Variants in TFRC observed in about 807,000 individuals in gnomAD.
TFRC encodes transferrin receptor protein 1.
TFRC carries 35 observed loss-of-function variants against 85.8 expected under a neutral mutation model. The ratio of observed to expected loss-of-function variants is 0.41; its 90% confidence interval spans 0.31 to 0.54. The LOEUF (loss-of-function observed/expected upper bound fraction) is 0.54. Among genes scored for constraint, TFRC ranks in the 20% least tolerant of loss-of-function variants. The pLI is 0.31. For synonymous variants in TFRC, 362 were observed against 328.6 expected (o/e 1.10, Z -1.10); for missense variants, 828 against 921.5 (o/e 0.90, Z 1.31).
chr3:196,079,842 C>A (rs777105909), intron 1 of TFRC, among the ~76,000 whole-genome samples: 1 of 152,156 alleles, frequency 6.6e-6, no homozygotes, highest in Non-Finnish European at 1.5e-5. Flanking sequence ...TTTTACCCAC[C>A]AACATTCTTC....
In TFRC at chr3:196,051,879, G is replaced by A. The variant is rs753121387; in HGVS notation, c.*63C>T. On this transcript the variant is annotated 3_prime_UTR_variant, in exon 19 of 19. Transcript: ENST00000360110. ...TGTAGCCCTACTGAAAATTTAGCAC[G>A]ATCAGCACAAGTCTAGAAACCAGAC... 1.3e-5 allele frequency: 21 copies of A among 1,563,140 alleles called. No individual in the cohort carries two copies. Among genetic ancestry groups the A allele is most frequent in the South Asian group, 2.4e-5 (2 of 83,430 alleles).
Position 196,075,356 on chromosome 3 carries a change from C to G in TFRC, c.41G>C (p.Gly14Ala). The change falls in exon 3 of 19, where the codon GGT (glycine) becomes GCT (alanine). Residue 14 changes from glycine (G) to alanine (A), a missense_variant. Physicochemically the swap from Gly to Ala is moderately conservative, Grantham distance 60 (BLOSUM62 0). Coordinates refer to ENST00000360110, the MANE Select transcript of TFRC (RefSeq NM_001128148.3). Reference protein sequence around the residue: ...QARSAFSNLFGGEPLSYTRFS... With the variant: ...QARSAFSNLFAGEPLSYTRFS... ...CCGGGTATATGACAATGGTTCTCCACCAAACTGTGTTGCGGAAAAAGGCAT... is the reference window on the plus strand; with the variant it reads ...CCGGGTATATGACAATGGTTCTCCAGCAAACTGTGTTGCGGAAAAAGGCAT... 6.2e-7 allele frequency: 1 copy of G among 1,614,060 alleles called. No homozygotes were observed. The highest frequency in any genetic ancestry group is 8.5e-7 in the Non-Finnish European group (1 of 1,180,010).
At chr3:196,052,267 C>A in intron 18 of TFRC, 83 bp from the exon 19 acceptor site, 2 of 1,338,918 alleles carry the variant, frequency 1.5e-6, no homozygotes, top group South Asian at 1.4e-5. Context: ...TGTAAAATGT[C>A]CCAAATTTAA....
At chr3:196,060,847 G>A (rs1340456808) in intron 13 of TFRC, among the ~76,000 whole-genome samples, 1 of 140,138 alleles carries the variant, frequency 7.1e-6, no homozygotes, top group Non-Finnish European at 1.5e-5. Flanking sequence ...TTTAGGTTCA[G>A]CAGCAAAATT....
At chr3:196,062,702 T>C (rs1386850018) in intron 12 of TFRC, 57 bp from the exon 13 acceptor site, 3 of 1,561,818 alleles carry the variant, frequency 1.9e-6, no homozygotes, top group African/African-American at 2.7e-5. Flanking sequence ...TCACATACAG[T>C]AGCATTAGGG....
Position 196,062,596 on chromosome 3 carries a change from T to C in TFRC, c.1454A>G (p.Asp485Gly). 1 of 1,608,544 alleles carries C rather than the reference T, an allele frequency of 6.2e-7. No homozygotes were observed. The highest frequency in any genetic ancestry group is 8.5e-7 in the Non-Finnish European group (1 of 1,178,518). ...GGGATACTTACCAAGAACCGCTTTA[T>C]CCAGATTAATATAAGTGAAAGCCTT... ...HLKAFTYINL[D>G]KAVLGTSNFK... Residue 485 changes from aspartate to glycine, a missense_variant, in exon 13 of 19, where the codon GAT (aspartate) becomes GGT (glycine). Transcript: ENST00000360110.
In TFRC at chr3:196,069,482, T is replaced by G; in HGVS notation, c.774A>C (p.Arg258Ser). ...TTTCTGCAAAGGTGATTTTCCCTGC[T>G]CTGACAATCACTATAGATCCATTCA... is the stretch of plus-strand genomic sequence containing the variant. ...TPVNGSIVIVRAGKITFAEKV... is the reference protein window; with the variant it reads ...TPVNGSIVIVSAGKITFAEKV... Residue 258 changes from arginine to serine, a missense_variant, in exon 7 of 19, where the codon AGA becomes AGC. By Grantham distance (110) the Arg-to-Ser change is moderately radical. Transcript: ENST00000360110. The G allele has an allele frequency of 6.2e-7, 1 of 1,612,290 alleles. No individual in the cohort carries two copies. Among genetic ancestry groups the G allele is most frequent in the Non-Finnish European group, 8.5e-7 (1 of 1,178,752 alleles).
chr3:196,075,944 A>G (rs1230658078), intron 2 of TFRC, among the ~76,000 whole-genome samples: 4 of 150,486 alleles, frequency 2.7e-5, no homozygotes, highest in Admixed American at 2.0e-4. Flanking sequence ...CCTGACCAAC[A>G]TGGTGAAATC....
intron 1 of TFRC, among the ~76,000 whole-genome samples, chr3:196,080,109 TTTG>T (rs560719560): frequency 2.6e-5 from 4 of 152,340 alleles, no homozygotes; most frequent in Admixed American, 6.5e-5. Context: ...AGGGAGTTTT[TTTG>T]TTGTTGTTTT....
At position 196,067,648 on chromosome 3, in the gene TFRC, C is replaced by T; in HGVS notation, c.910G>A (p.Gly304Arg). ...ELSFFGHAHL[G>R]TGDPYTPGFP... ...CCAGGTGTGTAAGGGTCACCTGTCCCCAGATGAGCCTAGGAAAACAAAAGA... is the reference window on the plus strand; with the variant it reads ...CCAGGTGTGTAAGGGTCACCTGTCCTCAGATGAGCCTAGGAAAACAAAAGA... Residue 304 changes from glycine to arginine, a missense_variant, in exon 9 of 19, where the codon GGG becomes AGG. Transcript: ENST00000360110. The T allele has an allele frequency of 6.2e-7, 1 of 1,613,048 alleles. No homozygotes were observed. Among genetic ancestry groups the T allele is most frequent in the Non-Finnish European group, 8.5e-7 (1 of 1,179,664 alleles).
At chr3:196,068,184 G>A in intron 7 of TFRC, 54 bp from the exon 8 acceptor site, 1 of 1,352,162 alleles carries the variant, frequency 7.4e-7, no homozygotes, top group Non-Finnish European at 1.0e-6. Flanking sequence ...TACGAAATGA[G>A]AATACATCCT....
intron 18 of TFRC, 54 bp downstream of exon 18, chr3:196,053,360 AGATT>A (rs1395934381): frequency 1.3e-6 from 2 of 1,597,852 alleles, no homozygotes; most frequent in Non-Finnish European, 1.7e-6. Context: ...CAGAAGTGTA[AGATT>A]TATCGGTTAT....
At chr3:196,067,368 T>G in intron 9 of TFRC, 150 bp downstream of exon 9, 1 of 757,434 alleles carries the variant, frequency 1.3e-6, no homozygotes, top group Non-Finnish European at 2.0e-6. Context: ...AAAAATTCAT[T>G]TATATCTGTA....
At position 196,052,154 on chromosome 3, in the gene TFRC, A is replaced by T. The variant is rs761127152; in HGVS notation, c.2071T>A (p.Ser691Thr). 1.5e-5 allele frequency: 25 copies of T among 1,614,100 alleles called. No individual in the cohort carries two copies. In the South Asian group the frequency reaches 2.4e-4, roughly 16 times the overall value. The change falls in exon 19 of 19, where the codon TCT becomes ACT. Residue 691 changes from serine (S) to threonine (T), a missense_variant. Coordinates refer to ENST00000360110, the MANE Select transcript of TFRC (RefSeq NM_001128148.3). ...VEYHFLSPYV[S>T]PKESPFRHVF... The stretch of plus-strand genomic sequence containing the variant: ...TGTCGGAAAGGAGACTCTTTTGGAG[A>T]TACGTAGGGAGAGAGGAAGTGATAC...
Position 196,061,691 on chromosome 3 carries a change from T to C in TFRC, c.1468+891A>G, listed in dbSNP as rs546651910. 2.9e-4 allele frequency among the ~76,000 whole-genome samples: 44 copies of C among 152,302 alleles called. No homozygotes were observed. In the South Asian group the frequency reaches 8.9e-3, roughly 31 times the overall value. ...TTTTAGTAGAGACGGGGTTTCACCA[T>C]GTTGGCCAGGCTGGTCTCGAACTCC... is the stretch of plus-strand genomic sequence containing the variant. On this transcript the variant is annotated intron_variant, in intron 13 of 18. Transcript: ENST00000360110.
intron 1 of TFRC, among the ~76,000 whole-genome samples, chr3:196,078,709 T>C (rs981560719): frequency 6.6e-6 from 1 of 152,010 alleles, no homozygotes; most frequent in Non-Finnish European, 1.5e-5. Flanking sequence ...TTACAAAAAA[T>C]TCTTTTTAAA....
At chr3:196,080,133 T>A (rs1033517179) in intron 1 of TFRC, among the ~76,000 whole-genome samples, 1 of 152,188 alleles carries the variant, frequency 6.6e-6, no homozygotes, top group Non-Finnish European at 1.5e-5. Flanking sequence ...TGAGATGGCA[T>A]CTCGCTGTCG....
chr3:196,065,397 A>T, intron 10 of TFRC, 46 bp downstream of exon 10: 1 of 1,067,330 alleles, frequency 9.4e-7, no homozygotes, highest in Non-Finnish European at 1.2e-6. Context: ...AACAGAAAAG[A>T]AAACAAAAAA....
At chr3:196,063,772 C>T (rs1418327026) in intron 11 of TFRC, among the ~76,000 whole-genome samples, 3 of 151,840 alleles carry the variant, frequency 2.0e-5, no homozygotes, top group African/African-American at 7.3e-5. Flanking sequence ...CAAAAATTGG[C>T]CGGGTGTGGT....
Sources: allele counts gnomAD v4.1 joint callset (sites outside exome capture counted in the v4.1 genomes callset), GRCh38; gene constraint gnomAD v4.1.1; transcripts MANE v1.5; gene names NCBI Gene and HGNC (gene_info 2026-07-23, HGNC 2026-07-21).